The following GMDS variants were observed in gnomAD, a reference collection of about 807,000 sequenced individuals.
GMDS encodes the protein GDP-mannose 4,6 dehydratase.
In GMDS, 20 loss-of-function variants were observed where a neutral mutation model predicts 49.9. The observed-to-expected ratio is 0.40, with a 90% CI of 0.28 to 0.58. The LOEUF is 0.58. Ranked by LOEUF, GMDS falls within the 20% of genes least tolerant of loss-of-function variation. GMDS has a pLI of 0.42. For missense variants in GMDS, 362 were observed against 481.4 expected (o/e 0.75, Z 2.32); for synonymous variants, 177 against 178.6 (o/e 0.99, Z 0.07).
At chr6:1,992,471 G>A (rs1238496546) in intron 4 of GMDS, among the ~76,000 whole-genome samples, 1 of 152,154 alleles carries the variant, frequency 6.6e-6, no homozygotes, top group Non-Finnish European at 1.5e-5. Context: ...CGTCCAGGCT[G>A]TTCCTCAACA....
intron 9 of GMDS, among the ~76,000 whole-genome samples, chr6:1,695,750 TC>T (rs1325163344): frequency 1.3e-5 from 2 of 152,146 alleles, no homozygotes; most frequent in Non-Finnish European, 2.9e-5. Context: ...TGGCACCGCC[TC>T]TTCAGAGTCC....
intron 7 of GMDS, among the ~76,000 whole-genome samples, chr6:1,776,402 G>A (rs1167535214): frequency 6.6e-6 from 1 of 152,132 alleles, no homozygotes; most frequent in Admixed American, 6.5e-5. Context: ...AAAATGGTCT[G>A]TGGGGCCAGG....
Position 1,730,475 on chromosome 6 carries a change from T to A in GMDS, c.891-3963A>T, listed in dbSNP as rs9392329. 3.3e-5 allele frequency among the ~76,000 whole-genome samples: 5 copies of A among 152,130 alleles called. No homozygotes were observed. In the East Asian group the frequency reaches 9.7e-4, roughly 29 times the overall value. On this transcript the variant is annotated intron_variant, in intron 8 of 10. Coordinates refer to ENST00000380815, the MANE Select transcript of GMDS (RefSeq NM_001500.4). ...TCAGGAAGTGAGACCTGATTGCAAA[T>A]CTCCATAGGCAGCAGTCTGGGGCCT...
chr6:1,770,173 T>C (rs910562018), intron 7 of GMDS, among the ~76,000 whole-genome samples: 1 of 152,174 alleles, frequency 6.6e-6, no homozygotes, highest in Non-Finnish European at 1.5e-5. Context: ...TGATGAAAAA[T>C]GAGGATATCT....
At chr6:2,015,320 TC>T (rs1767821620) in intron 4 of GMDS, among the ~76,000 whole-genome samples, 1 of 151,816 alleles carries the variant, frequency 6.6e-6, no homozygotes, top group Non-Finnish European at 1.5e-5. Context: ...GTAACAAAAT[TC>T]AAAAAACAGA....
chr6:2,041,178 C>T lies in GMDS; in HGVS notation c.345+74593G>A, dbSNP rs145368086. Reference sequence around the variant, plus strand: ...GTACAAATGCATGTAAATATGTATACAAAAATGCACATATGCCGACATATA... The same window carrying T: ...GTACAAATGCATGTAAATATGTATATAAAAATGCACATATGCCGACATATA... On this transcript the variant is annotated intron_variant, in intron 4 of 10. Transcript: ENST00000380815. 1.4e-4 allele frequency among the ~76,000 whole-genome samples: 22 copies of T among 151,958 alleles called. No homozygotes were observed. The East Asian group carries it at 4.3e-3, about 29-fold the overall frequency.
At chr6:1,852,081 T>C (rs1039961458) in intron 7 of GMDS, among the ~76,000 whole-genome samples, 2 of 152,220 alleles carry the variant, frequency 1.3e-5, no homozygotes, top group Admixed American at 6.5e-5. Context: ...ATCTACTTTG[T>C]TCTGGGCCAT....
chr6:1,842,804 A>G (rs1036023440), intron 7 of GMDS, among the ~76,000 whole-genome samples: 1 of 152,206 alleles, frequency 6.6e-6, no homozygotes, highest in African/African-American at 2.4e-5. Context: ...ACAGAGGCTC[A>G]CATTGTATAT....
chr6:2,005,336 C>T (rs1321362924), intron 4 of GMDS, among the ~76,000 whole-genome samples: 2 of 152,086 alleles, frequency 1.3e-5, no homozygotes, highest in African/African-American at 2.4e-5. Context: ...AAATCCTAGT[C>T]GAAGCCAGTG....
intron 1 of GMDS, among the ~76,000 whole-genome samples, chr6:2,160,027 C>A (rs970154923): frequency 3.3e-5 from 5 of 152,054 alleles, no homozygotes; most frequent in African/African-American, 1.2e-4. Context: ...TACAAAAAAT[C>A]TTGGGCTGAA....
chr6:1,881,959 CAG>C (rs762011111), intron 7 of GMDS, among the ~76,000 whole-genome samples: 3 of 152,190 alleles, frequency 2.0e-5, no homozygotes, highest in Non-Finnish European at 4.4e-5. Flanking sequence ...GTAAAACTCA[CAG>C]AGTTTTTCCA....
chr6:2,068,797 C>T (rs1465680650), intron 4 of GMDS, among the ~76,000 whole-genome samples: 1 of 152,116 alleles, frequency 6.6e-6, no homozygotes, highest in Non-Finnish European at 1.5e-5. Context: ...ACATTCCATG[C>T]TCATGGGTAG....
intron 4 of GMDS, among the ~76,000 whole-genome samples, chr6:2,067,685 G>GC (rs1771701088): frequency 6.6e-6 from 1 of 152,002 alleles, no homozygotes; most frequent in African/African-American, 2.4e-5. Flanking sequence ...TAAATTCCTC[G>GC]ACACATACAC....
At chr6:1,959,462 C>A (rs989691275) in intron 6 of GMDS, among the ~76,000 whole-genome samples, 2 of 152,102 alleles carry the variant, frequency 1.3e-5, no homozygotes, top group Non-Finnish European at 2.9e-5. Flanking sequence ...AAATATCTAA[C>A]CATTCAAAGT....
intron 7 of GMDS, among the ~76,000 whole-genome samples, chr6:1,779,929 C>T (rs1170262237): frequency 6.6e-6 from 1 of 152,180 alleles, no homozygotes; most frequent in Non-Finnish European, 1.5e-5. Flanking sequence ...AGAGAATCAC[C>T]TTTCCCAAAT....
At chr6:1,915,169 T>C (rs1343383764) in intron 7 of GMDS, among the ~76,000 whole-genome samples, 1 of 152,158 alleles carries the variant, frequency 6.6e-6, no homozygotes, top group Non-Finnish European at 1.5e-5. Context: ...GACACTTGGA[T>C]TTGAGGCTGA....
chr6:1,739,040 C>T (rs1224570957), intron 8 of GMDS, among the ~76,000 whole-genome samples: 2 of 152,216 alleles, frequency 1.3e-5, no homozygotes, highest in East Asian at 3.9e-4. Context: ...TTACAGAGCA[C>T]CGTCAGCTGT....
intron 1 of GMDS, among the ~76,000 whole-genome samples, chr6:2,162,724 G>A (rs1777467836): frequency 6.8e-6 from 1 of 146,758 alleles, no homozygotes. Flanking sequence ...CTTTCCTGGT[G>A]CTTCCCTACA....
At chr6:1,694,913 A>C (rs35094803) in intron 9 of GMDS, among the ~76,000 whole-genome samples, 14,694 of 152,224 alleles carry the variant, frequency 0.097, 804 homozygotes, top group East Asian at 0.16. Context: ...CCTGCTTTGG[A>C]AGGTGTTTGT....
Sources: allele counts gnomAD v4.1 joint callset (sites outside exome capture counted in the v4.1 genomes callset), GRCh38; gene constraint gnomAD v4.1.1; transcripts MANE v1.5; gene names NCBI Gene and HGNC (gene_info 2026-07-23, HGNC 2026-07-21).